The following TSGA10 variants were observed in gnomAD, a reference collection of about 807,000 sequenced individuals.
TSGA10 encodes the protein testis-specific gene 10 protein.
A neutral mutation model predicts 96.6 loss-of-function variants in TSGA10; 43 were observed. That is an observed-to-expected ratio of 0.44 (90% confidence interval 0.35 to 0.57). TSGA10 has a LOEUF of 0.57. Ranked by LOEUF, TSGA10 falls within the 20% of genes least tolerant of loss-of-function variation. The probability of loss-of-function intolerance (pLI) is 0.01; values close to 1 mark genes in which losing one functional copy is unlikely to be tolerated. For missense variants in TSGA10, 703 were observed against 834.4 expected (o/e 0.84, Z 1.94); for synonymous variants, 229 against 269.9 (o/e 0.85, Z 1.48).
In TSGA10 at chr2:99,132,522, C is replaced by T. The variant is rs187590518; in HGVS notation, c.-620-5346G>A. ...GTCTATTTGATTCTTATTAGTCTGG[C>T]TAGCGGTCTATTTTGTTTATCTATT... On this transcript the variant is annotated intron_variant, in intron 1 of 20. Transcript: ENST00000393483. 7.9e-5 allele frequency among the ~76,000 whole-genome samples: 12 copies of T among 151,448 alleles called. No homozygotes were observed. The East Asian group carries it at 2.1e-3, about 27-fold the overall frequency.
chr2:99,102,016 T>G, intron 10 of TSGA10: 2 of 1,276,402 alleles, frequency 1.6e-6, no homozygotes, highest in Non-Finnish European at 2.3e-6. Flanking sequence ...AAAATTTTGT[T>G]AACAGAATTA....
intron 20 of TSGA10, among the ~76,000 whole-genome samples, chr2:99,011,386 C>T (rs990542207): frequency 6.6e-6 from 1 of 152,172 alleles, no homozygotes; most frequent in Non-Finnish European, 1.5e-5. Context: ...CCCACCTCGG[C>T]CTCCCAAAGT....
chr2:99,013,315 G>A lies in TSGA10; in HGVS notation c.2072+4885C>T, dbSNP rs190835866. On this transcript the variant is annotated intron_variant, in intron 20 of 20. Coordinates refer to ENST00000393483, the MANE Select transcript of TSGA10 (RefSeq NM_025244.4). Reference sequence around the variant, plus strand: ...TCACTTAAGATCAGATGATGATGATGATGATGACAATAATAATAATAATTA... The same window carrying A: ...TCACTTAAGATCAGATGATGATGATAATGATGACAATAATAATAATAATTA... Among the ~76,000 whole-genome samples, 627 of 152,120 alleles carry A rather than the reference G, an allele frequency of 4.1e-3. 5 individuals are homozygous for A. The highest frequency in any genetic ancestry group is 0.014 in the African/African-American group (597 of 41,510).
chr2:99,006,551 T>G (rs995392734), intron 20 of TSGA10, among the ~76,000 whole-genome samples: 4 of 152,160 alleles, frequency 2.6e-5, no homozygotes. Context: ...AAAATGCTCA[T>G]CATCACTGGC....
intron 18 of TSGA10, among the ~76,000 whole-genome samples, 178 bp downstream of exon 18, chr2:99,020,102 T>A (rs2079874956): frequency 6.6e-6 from 1 of 152,170 alleles, no homozygotes; most frequent in South Asian, 2.1e-4. Context: ...ATCATTAAAC[T>A]TAAATTTAGA....
rs1317700269 is a variant in TSGA10 at position 99,073,086 on chromosome 2, T to C, written c.883-13A>G. Reference sequence around the variant, plus strand: ...AAATGGTCTTTTCCTTGAAAAATAATATAAGTATTAAATAAAAAAATCTTA... The same window carrying C: ...AAATGGTCTTTTCCTTGAAAAATAACATAAGTATTAAATAAAAAAATCTTA... On this transcript the variant is annotated splice_polypyrimidine_tract_variant and intron_variant, in intron 12 of 20. Coordinates refer to ENST00000393483, the MANE Select transcript of TSGA10 (RefSeq NM_025244.4). 4 of 1,523,150 alleles carry C rather than the reference T, an allele frequency of 2.6e-6. No homozygotes were observed. The highest frequency in any genetic ancestry group is 1.2e-5 in the South Asian group (1 of 85,026). 94.4% of individuals were successfully genotyped at this position (1,523,150 alleles called of 1,614,324 possible).
intron 4 of TSGA10, among the ~76,000 whole-genome samples, chr2:99,113,946 T>C (rs2092026697): frequency 6.6e-6 from 1 of 152,226 alleles, no homozygotes; most frequent in Non-Finnish European, 1.5e-5. Context: ...TATCAATATT[T>C]GTTGTTTGAA....
intron 20 of TSGA10, among the ~76,000 whole-genome samples, chr2:99,017,289 T>C (rs1302715734): frequency 6.6e-6 from 1 of 152,054 alleles, no homozygotes; most frequent in Non-Finnish European, 1.5e-5. Context: ...ATAAAGAAAA[T>C]GTGGTATAAA....
chr2:99,082,463 G>A (rs1012816662), intron 10 of TSGA10, among the ~76,000 whole-genome samples: 2 of 152,068 alleles, frequency 1.3e-5, no homozygotes, highest in African/African-American at 4.8e-5. Context: ...CTCTTTGGCC[G>A]CCGGCTTAAT....
At chr2:99,009,853 T>C (rs531772425) in intron 20 of TSGA10, among the ~76,000 whole-genome samples, 21 of 152,348 alleles carry the variant, frequency 1.4e-4, no homozygotes, top group African/African-American at 4.8e-4. Flanking sequence ...CAAGTGTGTG[T>C]GTCTGTGAAG....
intron 20 of TSGA10, among the ~76,000 whole-genome samples, chr2:99,014,716 A>G (rs1389131530): frequency 6.6e-6 from 1 of 152,188 alleles, no homozygotes; most frequent in Non-Finnish European, 1.5e-5. Flanking sequence ...TTCTTTGAAA[A>G]GATAAACAAA....
At chr2:99,015,214 T>C (rs1307136894) in intron 20 of TSGA10, among the ~76,000 whole-genome samples, 2 of 152,280 alleles carry the variant, frequency 1.3e-5, no homozygotes, top group East Asian at 3.9e-4. Context: ...CCAATATCCC[T>C]GATGAACATA....
intron 10 of TSGA10, among the ~76,000 whole-genome samples, chr2:99,088,738 T>G (rs549754249): frequency 6.6e-6 from 1 of 152,326 alleles, no homozygotes; most frequent in South Asian, 2.1e-4. Context: ...GCAAAAATTT[T>G]ACAGCAGTCT....
chr2:99,010,247 G>A (rs151097893), intron 20 of TSGA10, among the ~76,000 whole-genome samples: 9 of 152,230 alleles, frequency 5.9e-5, no homozygotes, highest in African/African-American at 1.7e-4. Context: ...CAGGTCTAAC[G>A]TGCAGCTCCC....
At chr2:99,055,794 A>T (rs2083909094) in intron 16 of TSGA10, among the ~76,000 whole-genome samples, 1 of 149,554 alleles carries the variant, frequency 6.7e-6, no homozygotes, top group Non-Finnish European at 1.5e-5. Flanking sequence ...TCAAGGCTGC[A>T]GTGAGCCGTG....
At chr2:99,018,709 A>C in intron 18 of TSGA10, 69 bp from the exon 19 acceptor site, 1 of 1,338,596 alleles carries the variant, frequency 7.5e-7, no homozygotes, top group East Asian at 2.5e-5. Context: ...GGGGTACATG[A>C]AACCATATTG....
At chr2:99,076,655 A>G (rs553790690) in intron 12 of TSGA10, among the ~76,000 whole-genome samples, 1 of 152,038 alleles carries the variant, frequency 6.6e-6, no homozygotes. Flanking sequence ...CTGTATGCCT[A>G]TCCCATCTTT....
chr2:99,085,634 A>AAAAAAAAAAAAAAAT (rs2088213947), intron 10 of TSGA10, among the ~76,000 whole-genome samples: 3 of 147,704 alleles, frequency 2.0e-5, no homozygotes, highest in Non-Finnish European at 3.0e-5. Flanking sequence ...AAAAAAAAAA[A>AAAAAAAAAAAAAAAT]GTTGTTTTTT....
intron 17 of TSGA10, among the ~76,000 whole-genome samples, chr2:99,021,313 A>T (rs1434882906): frequency 6.6e-6 from 1 of 152,156 alleles, no homozygotes; most frequent in Non-Finnish European, 1.5e-5. Context: ...AAAAATAAAC[A>T]TTTTGATAGT....
Sources: gnomAD v4.1 joint callset for allele counts (sites outside exome capture counted in the v4.1 genomes callset) on GRCh38, gnomAD v4.1.1 for gene constraint, MANE v1.5 for transcripts, NCBI Gene and HGNC (gene_info 2026-07-23, HGNC 2026-07-21) for gene names.